The following TARBP1 variants were observed in gnomAD, a reference collection of about 807,000 sequenced individuals.
The protein encoded by TARBP1 is tRNA guanosine 2 -O-methyltransferase TARBP1, also known as tRNA (guanosine(18)-2'-O)-methyltransferase TARBP1.
TARBP1 carries 144 observed loss-of-function variants against 178.6 expected under a neutral mutation model. The observed-to-expected ratio is 0.81, with a 90% confidence interval of 0.70 to 0.93. The LOEUF is 0.93. TARBP1 is among the 40% of genes least tolerant of loss of function. TARBP1 has a pLI of 0.00. For missense variants in TARBP1, 2,067 were observed against 2,011.7 expected (o/e 1.03, Z -0.53); for synonymous variants, 787 against 781.0 (o/e 1.01, Z -0.13).
At position 234,391,463 on chromosome 1, in the gene TARBP1, C is replaced by T; in HGVS notation, c.*114G>A. ...ATGGCAAACTTTTGGCATTAAATTG[C>T]AAGAAAAAAGAAATACAAATTATCA... On this transcript the variant is annotated 3_prime_UTR_variant, in exon 30 of 30. Coordinates refer to ENST00000040877, the MANE Select transcript of TARBP1 (RefSeq NM_005646.4). 1 of 1,236,686 alleles carries T rather than the reference C, an allele frequency of 8.1e-7. No homozygotes were observed. Among genetic ancestry groups the T allele is most frequent in the South Asian group, 2.0e-5 (1 of 49,812 alleles). 76.6% of individuals were successfully genotyped at this position (1,236,686 alleles called of 1,614,324 possible).
At chr1:234,445,000 A>C (rs575658998) in intron 12 of TARBP1, among the ~76,000 whole-genome samples, 1 of 152,290 alleles carries the variant, frequency 6.6e-6, no homozygotes, top group South Asian at 2.1e-4. Context: ...CTGCTGCTCT[A>C]CATAAAAAAC....
chr1:234,472,355 A>C (rs4920181), intron 2 of TARBP1, among the ~76,000 whole-genome samples: 3 of 136,194 alleles, frequency 2.2e-5, no homozygotes, highest in South Asian at 2.4e-4. Context: ...AAAAAAAAAA[A>C]AACTCAAAAG....
intron 12 of TARBP1, among the ~76,000 whole-genome samples, chr1:234,438,233 T>C (rs537495914): frequency 6.6e-6 from 1 of 152,200 alleles, no homozygotes; most frequent in Admixed American, 6.5e-5. Flanking sequence ...TCAAAACAGC[T>C]AGGATATAAT....
chr1:234,447,345 C>CAA (rs34101720), intron 11 of TARBP1, among the ~76,000 whole-genome samples: 16,568 of 99,980 alleles, frequency 0.17, 1,431 homozygotes, highest in Non-Finnish European at 0.2. Flanking sequence ...TTTAAAAATC[C>CAA]AAAAAAAAAA....
At chr1:234,429,880 T>C (rs555003927) in intron 15 of TARBP1, among the ~76,000 whole-genome samples, 3 of 152,312 alleles carry the variant, frequency 2.0e-5, no homozygotes, top group African/African-American at 7.2e-5. Flanking sequence ...GTAGGTACTT[T>C]TGCTCATCTG....
At chr1:234,405,335 G>A (rs1371262470) in intron 24 of TARBP1, 1 of 152,296 alleles carries the variant, frequency 6.6e-6, no homozygotes, top group Non-Finnish European at 1.5e-5. Context: ...TGACACTGCA[G>A]CCTGCTTCTG....
intron 13 of TARBP1, among the ~76,000 whole-genome samples, chr1:234,435,057 A>C (rs1664860217): frequency 6.6e-6 from 1 of 152,240 alleles, no homozygotes. Context: ...GTGTTGTAAC[A>C]AAGATAAAAG....
chr1:234,451,766 A>AAAAAAAAAAAAAAAAAACAAAAAAAC lies in TARBP1; in HGVS notation c.1723-1201_1723-1200insGTTTTTTTGTTTTTTTTTTTTTTTTT, dbSNP rs57636903. On this transcript the variant is annotated intron_variant, in intron 9 of 29. Coordinates refer to ENST00000040877, the MANE Select transcript of TARBP1 (RefSeq NM_005646.4). ...TCCGTCTCAAAAAAAAAAAAAAAAA[A>AAAAAAAAAAAAAAAAAACAAAAAAAC]TGATGAATGACTGGATCATCGAAGT... is the stretch of plus-strand genomic sequence containing the variant. Among the ~76,000 whole-genome samples, 22 of 17,168 alleles carry AAAAAAAAAAAAAAAAAACAAAAAAAC rather than the reference A, an allele frequency of 1.3e-3. 5 individuals are homozygous for AAAAAAAAAAAAAAAAAACAAAAAAAC. The highest frequency in any genetic ancestry group is 0.013 in the South Asian group (2 of 156). 11.3% of individuals were successfully genotyped at this position (17,168 alleles called of 152,430 possible).
At position 234,423,030 on chromosome 1, in the gene TARBP1, A is replaced by T. The variant is rs148055215; in HGVS notation, c.3445-2218T>A. 4.8e-3 allele frequency among the ~76,000 whole-genome samples: 738 copies of T among 152,324 alleles called. 6 individuals carry two copies. The highest frequency in any genetic ancestry group is 0.017 in the African/African-American group (695 of 41,572). ...ACCCCCAGAGCTTCTGATTCTGTAG[A>T]CTGGGGGCAGGGCCTAGGAATATGC... On this transcript the variant is annotated intron_variant, in intron 20 of 29. Transcript: ENST00000040877.
intron 5 of TARBP1, among the ~76,000 whole-genome samples, chr1:234,465,099 GA>G (rs1350852169): frequency 3.3e-5 from 5 of 151,900 alleles, no homozygotes; most frequent in African/African-American, 1.2e-4. Context: ...TGGATGGATG[GA>G]TGGCGGACAG....
intron 20 of TARBP1, among the ~76,000 whole-genome samples, chr1:234,423,922 T>C (rs1663404572): frequency 6.6e-6 from 1 of 151,984 alleles, no homozygotes; most frequent in African/African-American, 2.4e-5. Flanking sequence ...AAATATATAT[T>C]ATAACATGTA....
At chr1:234,393,273 A>T in intron 28 of TARBP1, 89 bp downstream of exon 28, 1 of 1,297,856 alleles carries the variant, frequency 7.7e-7, no homozygotes, top group Non-Finnish European at 9.9e-7. Context: ...TTACAAATAC[A>T]AACTTTTTTT....
chr1:234,393,052 A>G (rs1245038947), intron 28 of TARBP1, among the ~76,000 whole-genome samples: 2 of 152,104 alleles, frequency 1.3e-5, no homozygotes, highest in African/African-American at 2.4e-5. Context: ...TTATTCCTAC[A>G]TCAAGAGTGG....
Position 234,450,448 on chromosome 1 carries a change from A to T in TARBP1, c.1841T>A (p.Val614Asp), listed in dbSNP as rs1262709143. Residue 614 changes from valine to aspartate, a missense_variant, in exon 10 of 30, where the codon GTT (valine) becomes GAT (aspartate). Val to Asp is a radical substitution (Grantham distance 152). Transcript: ENST00000040877. ...CTTACTTTCCCAAGCAGATGACTTA[A>T]CATACTCTTGAACAATGCTCTTTAC... ...AYVKSIVQEY[V>D]KSSAWETGEN... 1.3e-6 allele frequency: 2 copies of T among 1,598,788 alleles called. No individual in the cohort carries two copies. The highest frequency in any genetic ancestry group is 1.7e-6 in the Non-Finnish European group (2 of 1,175,250).
At chr1:234,400,448 T>G (rs999986304) in intron 25 of TARBP1, 1 of 152,000 alleles carries the variant, frequency 6.6e-6, no homozygotes, top group Non-Finnish European at 1.5e-5. Context: ...AGATCTATAC[T>G]TTTTTACAGA....
chr1:234,467,415 A>C, intron 4 of TARBP1, 87 bp downstream of exon 4: 1 of 1,268,442 alleles, frequency 7.9e-7, no homozygotes, highest in Non-Finnish European at 1.1e-6. Context: ...AATCTCCAAA[A>C]TGTTACTTGC....
rs1467752812 is a variant in TARBP1, at chr1:234,391,346, C to T, written c.*231G>A. 2.6e-6 allele frequency: 1 copy of T among 390,332 alleles called. No homozygotes were observed. The highest frequency in any genetic ancestry group is 2.1e-5 in the African/African-American group (1 of 48,310). 24.2% of individuals were successfully genotyped at this position (390,332 alleles called of 1,614,324 possible). ...TAAAAAATCCATTGTTTTATTTCCACAATTGCTTAAAATATTTTATTAAAG... is the reference window on the plus strand; with the variant it reads ...TAAAAAATCCATTGTTTTATTTCCATAATTGCTTAAAATATTTTATTAAAG... On this transcript the variant is annotated 3_prime_UTR_variant, in exon 30 of 30. Coordinates refer to ENST00000040877, the MANE Select transcript of TARBP1 (RefSeq NM_005646.4).
At chr1:234,463,493 T>G (rs1668116711) in intron 6 of TARBP1, among the ~76,000 whole-genome samples, 1 of 152,188 alleles carries the variant, frequency 6.6e-6, no homozygotes, top group African/African-American at 2.4e-5. Flanking sequence ...AGTATTCTGT[T>G]TACAACTTTT....
At chr1:234,451,103 T>C (rs1666710735) in intron 9 of TARBP1, among the ~76,000 whole-genome samples, 1 of 152,198 alleles carries the variant, frequency 6.6e-6, no homozygotes, top group Non-Finnish European at 1.5e-5. Flanking sequence ...CATACGTGCA[T>C]ATTAAAATAC....
Sources: gnomAD v4.1 joint callset for allele counts (sites outside exome capture counted in the v4.1 genomes callset) on GRCh38, gnomAD v4.1.1 for gene constraint, MANE v1.5 for transcripts, NCBI Gene and HGNC (gene_info 2026-07-23, HGNC 2026-07-21) for gene names.